The following LCOR variants were observed in gnomAD, a reference collection of about 807,000 sequenced individuals.
LCOR encodes ligand-dependent corepressor.
LCOR carries 14 observed loss-of-function variants against 64.4 expected under a neutral mutation model. The ratio of observed to expected loss-of-function variants is 0.22; its 90% confidence interval spans 0.14 to 0.34. LCOR has a LOEUF of 0.34. Ranked by LOEUF, LCOR falls within the 10% of genes least tolerant of loss-of-function variation. The pLI is 1.00. For missense variants in LCOR, 1,686 were observed against 1,765.3 expected, an observed-to-expected ratio of 0.96 and a Z score of 0.80; for synonymous variants, 643 against 642.5, an observed-to-expected ratio of 1.00 and a Z score of -0.01.
chr10:96,874,040 T>C (rs553773718), intron 2 of LCOR, among the ~76,000 whole-genome samples: 23 of 152,230 alleles, frequency 1.5e-4, no homozygotes, highest in African/African-American at 5.3e-4. Context: ...TTCTTGAAAA[T>C]GATTTGCTTT....
chr10:96,952,187 A>G lies in LCOR; in HGVS notation c.323A>G (p.Gln108Arg). ...CACTCTCCAGGCTGCTCCAGTACTC[A>G]AGGGAACGGGTAAGGGAGAATATTT... ...LSHSPGCSSTQGNGENSTEAK... is the reference protein window; with the variant it reads ...LSHSPGCSSTRGNGENSTEAK... The change falls in exon 7 of 8, where the codon CAA becomes CGA. Residue 108 changes from glutamine to arginine, a missense_variant. Coordinates refer to ENST00000421806, the MANE Select transcript of LCOR (RefSeq NM_001346516.2). The G allele has an allele frequency of 6.2e-7, 1 of 1,611,786 alleles. No homozygotes were observed. Among genetic ancestry groups the G allele is most frequent in the East Asian group, 2.2e-5 (1 of 44,868 alleles).
intron 7 of LCOR, chr10:96,958,036 G>T (rs990723566): frequency 2.0e-6 from 2 of 1,017,592 alleles, no homozygotes; most frequent in African/African-American, 3.4e-5. Context: ...TTTGCTGAAA[G>T]CAAAGGGCTA....
intron 4 of LCOR, among the ~76,000 whole-genome samples, chr10:96,921,383 C>G (rs775894051): frequency 6.6e-6 from 1 of 152,144 alleles, no homozygotes; most frequent in African/African-American, 2.4e-5. Context: ...TTAGCTCTTA[C>G]AATTAGGTCT....
chr10:96,956,980 A>G lies in LCOR; in HGVS notation c.332+4784A>G, dbSNP rs891010846. ...AGTGATACTTAGATTTTACAGCCTC[A>G]GTAGTCTGCCCAGTGTCCACATTAA... On this transcript the variant is annotated intron_variant, in intron 7 of 7. Coordinates refer to ENST00000421806, the MANE Select transcript of LCOR (RefSeq NM_001346516.2). 5.1e-6 allele frequency: 5 copies of G among 985,160 alleles called. No individual in the cohort carries two copies. The African/African-American group carries it at 8.7e-5, about 17-fold the overall frequency. 61.0% of individuals were successfully genotyped at this position (985,160 alleles called of 1,614,324 possible). A position where few individuals can be genotyped will look rare whatever the true frequency, so the allele number is the denominator to read the frequency against.
rs905676090 is a variant in LCOR, at chr10:96,992,416, T to C, written c.*7282T>C. On this transcript the variant is annotated 3_prime_UTR_variant, in exon 8 of 8. Coordinates refer to ENST00000421806, the MANE Select transcript of LCOR (RefSeq NM_001346516.2). ...CCTCCCCAGCTACCATGCTCAACCA[T>C]TGAGCCCCCAAACAACAGTGAAAGC... 2 of 152,246 alleles carry C rather than the reference T, an allele frequency of 1.3e-5. No individual in the cohort carries two copies. Among genetic ancestry groups the C allele is most frequent in the African/African-American group, 2.4e-5 (1 of 41,462 alleles). The allele number at this position is 152,246 out of a possible 1,614,324, so 9.4% of individuals were successfully genotyped here.
chr10:96,873,232 A>AG (rs1413118672), intron 2 of LCOR, among the ~76,000 whole-genome samples: 1 of 152,238 alleles, frequency 6.6e-6, no homozygotes, highest in East Asian at 1.9e-4. Context: ...AATTCACAGC[A>AG]GGAAGTACTG....
chr10:96,897,960 A>AC (rs1447259996), intron 2 of LCOR, among the ~76,000 whole-genome samples: 1 of 151,664 alleles, frequency 6.6e-6, no homozygotes, highest in East Asian at 1.9e-4. Flanking sequence ...GACACATAAA[A>AC]CAGAGTCCTT....
At chr10:96,853,157 T>C (rs1845748726) in intron 2 of LCOR, among the ~76,000 whole-genome samples, 1 of 152,196 alleles carries the variant, frequency 6.6e-6, no homozygotes, top group Non-Finnish European at 1.5e-5. Context: ...GTTCAAGCGA[T>C]TCTCCTGCCT....
At chr10:96,955,260 G>A (rs985305388) in intron 7 of LCOR, 1 of 1,614,090 alleles carries the variant, frequency 6.2e-7, no homozygotes, top group Non-Finnish European at 8.5e-7. Context: ...GGGAAATGGT[G>A]CACTCAGCAA....
intron 4 of LCOR, among the ~76,000 whole-genome samples, chr10:96,918,201 G>A (rs1262391550): frequency 6.6e-6 from 1 of 152,136 alleles, no homozygotes; most frequent in African/African-American, 2.4e-5. Flanking sequence ...AAATAAATGA[G>A]TTACCCATTT....
intron 4 of LCOR, among the ~76,000 whole-genome samples, chr10:96,939,411 C>T (rs965153815): frequency 6.6e-6 from 1 of 152,128 alleles, no homozygotes; most frequent in African/African-American, 2.4e-5. Context: ...TAGAAGAAAG[C>T]ATAGGGTTAA....
chr10:96,865,831 G>A (rs1001692025), intron 2 of LCOR, among the ~76,000 whole-genome samples: 4 of 143,538 alleles, frequency 2.8e-5, no homozygotes, highest in East Asian at 2.0e-4. Context: ...CTGAGATCGC[G>A]CCATTACACT....
intron 2 of LCOR, among the ~76,000 whole-genome samples, chr10:96,883,809 G>A (rs1191853066): frequency 2.6e-5 from 4 of 152,110 alleles, no homozygotes; most frequent in Admixed American, 6.5e-5. Context: ...CTCTTGAATG[G>A]TAGTTTCTTT....
chr10:96,846,726 T>C (rs1845636202), intron 2 of LCOR, among the ~76,000 whole-genome samples: 1 of 152,188 alleles, frequency 6.6e-6, no homozygotes, highest in African/African-American at 2.4e-5. Flanking sequence ...CATGTTAAAA[T>C]AAATAGACAT....
chr10:96,965,708 C>T (rs996098689), intron 7 of LCOR, among the ~76,000 whole-genome samples: 1 of 150,630 alleles, frequency 6.6e-6, no homozygotes, highest in African/African-American at 2.4e-5. Flanking sequence ...GCTGTTTCTG[C>T]CTTTGGTCTG....
intron 2 of LCOR, among the ~76,000 whole-genome samples, chr10:96,891,903 A>C (rs1408416726): frequency 6.6e-6 from 1 of 151,892 alleles, no homozygotes; most frequent in Non-Finnish European, 1.5e-5. Context: ...CATATTTGCA[A>C]ATTTTTCAGT....
At chr10:96,857,025 CT>C (rs995573641) in intron 2 of LCOR, among the ~76,000 whole-genome samples, 2 of 151,490 alleles carry the variant, frequency 1.3e-5, no homozygotes, top group Admixed American at 6.6e-5. Flanking sequence ...TTCTCTTACT[CT>C]TTTTTTTAGT....
At chr10:96,956,156 AGAG>A in intron 7 of LCOR, 1 of 1,321,710 alleles carries the variant, frequency 7.6e-7, no homozygotes, top group Admixed American at 3.5e-5. Context: ...TCTCTACAAA[AGAG>A]AATTGAGTTA....
chr10:96,889,598 C>A (rs1445116740), intron 2 of LCOR, among the ~76,000 whole-genome samples: 1 of 152,212 alleles, frequency 6.6e-6, no homozygotes, highest in African/African-American at 2.4e-5. Flanking sequence ...TCTGTCAGAT[C>A]AGGGACCCAC....
Sources: allele counts gnomAD v4.1 joint callset (sites outside exome capture counted in the v4.1 genomes callset), GRCh38; gene constraint gnomAD v4.1.1; transcripts MANE v1.5; gene names NCBI Gene and HGNC (gene_info 2026-07-23, HGNC 2026-07-21).